Variants in GXYLT1 observed in about 807,000 individuals in gnomAD.
GXYLT1 encodes glycosyltransferase 8 domain containing 3.
GXYLT1 carries 29 observed loss-of-function variants against 54.0 expected under a neutral mutation model. The ratio of observed to expected loss-of-function variants is 0.54; its 90% CI spans 0.40 to 0.73. The LOEUF (loss-of-function observed/expected upper bound fraction) is 0.73. Among genes scored for constraint, GXYLT1 ranks in the 30% least tolerant of loss-of-function variants. GXYLT1 has a pLI of 0.00. For synonymous variants in GXYLT1, 176 were observed against 204.1 expected (o/e 0.86, Z 1.17); for missense variants, 490 against 553.4 (o/e 0.89, Z 1.15).
intron 2 of GXYLT1, among the ~76,000 whole-genome samples, chr12:42,124,914 A>C (rs545067908): frequency 6.6e-6 from 1 of 152,348 alleles, no homozygotes; most frequent in African/African-American, 2.4e-5. Flanking sequence ...AAAGCTTCCC[A>C]GACAAATGAT....
rs539055100 is a variant in GXYLT1, at chr12:42,125,231, G to A, written c.314+4528C>T. 3.3e-5 allele frequency among the ~76,000 whole-genome samples: 5 copies of A among 152,320 alleles called. No individual in the cohort carries two copies. The South Asian group carries it at 1.0e-3, about 32-fold the overall frequency. ...AAGAAGAGTTAATGTAGACTGACATGTGGAGAAAGTCCGTTGTAAACATGA... is the reference window on the plus strand; with the variant it reads ...AAGAAGAGTTAATGTAGACTGACATATGGAGAAAGTCCGTTGTAAACATGA... On this transcript the variant is annotated intron_variant, in intron 2 of 7. Transcript: ENST00000398675.
At chr12:42,115,029 C>A (rs1479809468) in intron 3 of GXYLT1, among the ~76,000 whole-genome samples, 2 of 152,156 alleles carry the variant, frequency 1.3e-5, no homozygotes, top group Non-Finnish European at 2.9e-5. Context: ...AAGACAAAAA[C>A]CACATGATTA....
In GXYLT1 at chr12:42,133,284, C is replaced by A. The variant is rs561619122; in HGVS notation, c.222-3433G>T. Among the ~76,000 whole-genome samples the A allele has an allele frequency of 2.0e-5, 3 of 152,130 alleles. No homozygotes were observed. The South Asian group carries it at 6.2e-4, about 32-fold the overall frequency. On this transcript the variant is annotated intron_variant, in intron 1 of 7. Coordinates refer to ENST00000398675, the MANE Select transcript of GXYLT1 (RefSeq NM_173601.2). ...CAGAGAAAGACTCTGTCTCAAAAAA[C>A]CAACCAACCAACCAACCAAGTAGGA...
At chr12:42,118,164 CT>C (rs1312695012) in intron 3 of GXYLT1, among the ~76,000 whole-genome samples, 1 of 152,194 alleles carries the variant, frequency 6.6e-6, no homozygotes, top group Non-Finnish European at 1.5e-5. Context: ...TTTTCTGCCA[CT>C]GCTGCCAAAT....
chr12:42,144,689 C>CCGCCGCG lies in GXYLT1; in HGVS notation c.-44_-43insCGCGGCG, dbSNP rs768693337. 14 of 1,365,856 alleles carry CCGCCGCG rather than the reference C, an allele frequency of 1.0e-5. No individual in the cohort carries two copies. Among genetic ancestry groups the CCGCCGCG allele is most frequent in the African/African-American group, 1.5e-5 (1 of 66,492 alleles). The allele number at this position is 1,365,856 out of a possible 1,614,324, so 84.6% of individuals were successfully genotyped here. A position where few individuals can be genotyped will look rare whatever the true frequency, so the allele number is the denominator to read the frequency against. ...TCCTTCGCCGCCGCCGCCGCGCCCGCCCCGACGAACTGGAGCGGAGGGAGG... is the reference window on the plus strand; with the variant it reads ...TCCTTCGCCGCCGCCGCCGCGCCCGCCGCCGCGCCCGACGAACTGGAGCGGAGGGAGG... On this transcript the variant is annotated 5_prime_UTR_variant, in exon 1 of 8. Coordinates refer to ENST00000398675, the MANE Select transcript of GXYLT1 (RefSeq NM_173601.2).
At chr12:42,103,099 A>G (rs1337346403) in intron 5 of GXYLT1, among the ~76,000 whole-genome samples, 1 of 152,014 alleles carries the variant, frequency 6.6e-6, no homozygotes, top group Non-Finnish European at 1.5e-5. Flanking sequence ...CTGGGAATAC[A>G]GGCATGCACC....
chr12:42,134,232 AAGT>A (rs1485507040), intron 1 of GXYLT1, among the ~76,000 whole-genome samples: 8 of 152,050 alleles, frequency 5.3e-5, no homozygotes, highest in African/African-American at 1.9e-4. Context: ...AGAGAAGAAA[AAGT>A]AAAAAAATGA....
intron 2 of GXYLT1, among the ~76,000 whole-genome samples, chr12:42,121,559 G>T (rs566601335): frequency 6.6e-6 from 1 of 152,112 alleles, no homozygotes; most frequent in East Asian, 1.9e-4. Context: ...GAGTCCAGGA[G>T]TCCGACGTTG....
chr12:42,141,325 A>G (rs2065651275), intron 1 of GXYLT1, among the ~76,000 whole-genome samples: 1 of 152,212 alleles, frequency 6.6e-6, no homozygotes, highest in Non-Finnish European at 1.5e-5. Flanking sequence ...AGGTCCTTTG[A>G]GCTGCCCTGC....
At chr12:42,107,244 C>T (rs958804674) in intron 4 of GXYLT1, among the ~76,000 whole-genome samples, 2 of 152,168 alleles carry the variant, frequency 1.3e-5, no homozygotes, top group Admixed American at 6.5e-5. Flanking sequence ...CAACTAAAGC[C>T]ATCACCTTAA....
At chr12:42,105,744 A>C in intron 5 of GXYLT1, 74 bp downstream of exon 5, 1 of 1,147,682 alleles carries the variant, frequency 8.7e-7, no homozygotes, top group Non-Finnish European at 1.2e-6. Flanking sequence ...GTTTTTAATA[A>C]AATTTAGTTT....
chr12:42,118,529 G>T (rs553585877), intron 3 of GXYLT1, among the ~76,000 whole-genome samples: 14 of 152,240 alleles, frequency 9.2e-5, no homozygotes, highest in Non-Finnish European at 1.5e-5. Flanking sequence ...TACAAGGGCA[G>T]TGTTACAGAA....
At chr12:42,103,903 G>A (rs2065404097) in intron 5 of GXYLT1, among the ~76,000 whole-genome samples, 1 of 152,020 alleles carries the variant, frequency 6.6e-6, no homozygotes, top group African/African-American at 2.4e-5. Flanking sequence ...AAAGGGAAAG[G>A]GAGAAACTAT....
At chr12:42,117,801 C>A (rs1471208649) in intron 3 of GXYLT1, among the ~76,000 whole-genome samples, 1 of 152,144 alleles carries the variant, frequency 6.6e-6, no homozygotes, top group Non-Finnish European at 1.5e-5. Flanking sequence ...AAGGAACTTA[C>A]AAGGCTGACC....
chr12:42,097,651 C>T (rs1428367140), intron 6 of GXYLT1, 37 bp from the exon 7 acceptor site: 1 of 1,537,386 alleles, frequency 6.5e-7, no homozygotes, highest in African/African-American at 1.4e-5. Context: ...AAGCAAATAC[C>T]CCTAATTCCA....
intron 5 of GXYLT1, among the ~76,000 whole-genome samples, chr12:42,101,640 T>C (rs1207797433): frequency 1.3e-5 from 2 of 151,970 alleles, no homozygotes; most frequent in African/African-American, 4.8e-5. Flanking sequence ...GGCGCAATCT[T>C]GGCTCACTGC....
intron 3 of GXYLT1, among the ~76,000 whole-genome samples, chr12:42,118,792 T>C (rs941765556): frequency 6.6e-6 from 1 of 152,186 alleles, no homozygotes; most frequent in Non-Finnish European, 1.5e-5. Context: ...CATGCCTTAC[T>C]TCCCCCTTTG....
intron 5 of GXYLT1, among the ~76,000 whole-genome samples, chr12:42,102,817 C>G (rs1285385991): frequency 6.6e-6 from 1 of 151,908 alleles, no homozygotes; most frequent in South Asian, 2.1e-4. Flanking sequence ...AATCATTTAA[C>G]CAATGTTATT....
chr12:42,124,672 T>C (rs1344385319), intron 2 of GXYLT1, among the ~76,000 whole-genome samples: 17 of 152,218 alleles, frequency 1.1e-4, no homozygotes. Context: ...CCATATAATT[T>C]TTAAAACACA....
Sources: allele counts gnomAD v4.1 joint callset (sites outside exome capture counted in the v4.1 genomes callset), GRCh38; gene constraint gnomAD v4.1.1; transcripts MANE v1.5; gene names NCBI Gene and HGNC (gene_info 2026-07-23, HGNC 2026-07-21).